The following RABGAP1L variants were observed in gnomAD, a reference collection of about 807,000 sequenced individuals.
The protein encoded by RABGAP1L is rab GTPase-activating protein 1-like.
Under a neutral mutation model 137.7 loss-of-function variants are expected in RABGAP1L, and 63 were observed. The observed-to-expected ratio is 0.46, with a 90% CI of 0.37 to 0.56. The LOEUF is 0.56. Ranked by LOEUF, RABGAP1L falls within the 20% of genes least tolerant of loss-of-function variation. The probability of loss-of-function intolerance (pLI) is 0.00; values close to 1 mark genes in which losing one functional copy is unlikely to be tolerated. For missense variants in RABGAP1L, 1,095 were observed against 1,244.0 expected (o/e 0.88, Z 1.80); for synonymous variants, 431 against 433.7 (o/e 0.99, Z 0.08).
intron 1 of RABGAP1L, among the ~76,000 whole-genome samples, chr1:174,166,879 G>T (rs1221586834): frequency 6.6e-6 from 1 of 152,152 alleles, no homozygotes; most frequent in Non-Finnish European, 1.5e-5. Context: ...GGAAATGTTG[G>T]TAAAGAAGTT....
At chr1:174,815,449 T>C (rs186756518) in intron 19 of RABGAP1L, among the ~76,000 whole-genome samples, 3 of 152,360 alleles carry the variant, frequency 2.0e-5, no homozygotes, top group Admixed American at 2.0e-4. Context: ...GTTTTAAACA[T>C]TTTTAAATTA....
intron 19 of RABGAP1L, among the ~76,000 whole-genome samples, chr1:174,913,132 C>T (rs778918246): frequency 6.6e-6 from 1 of 152,054 alleles, no homozygotes; most frequent in Non-Finnish European, 1.5e-5. Context: ...TATGCCACCA[C>T]GCCTGGCTAA....
intron 13 of RABGAP1L, among the ~76,000 whole-genome samples, chr1:174,576,324 C>G (rs985173339): frequency 1.3e-5 from 2 of 152,070 alleles, no homozygotes; most frequent in African/African-American, 4.8e-5. Flanking sequence ...TTTATAGGCT[C>G]TCCACAAGGG....
In RABGAP1L at chr1:174,173,490, A is replaced by G. The variant is rs78586402; in HGVS notation, c.-34+13833A>G. On this transcript the variant is annotated intron_variant, in intron 1 of 25. Transcript: ENST00000681986. ...GTGGCTTACTATTACATTATTACAT[A>G]CTTGGTTCTTAATGCATTTCTTATG... 1.2e-4 allele frequency among the ~76,000 whole-genome samples: 19 copies of G among 152,208 alleles called. No individual in the cohort carries two copies. In the East Asian group the frequency reaches 3.5e-3, roughly 28 times the overall value.
chr1:174,843,491 T>C (rs1437304484), intron 19 of RABGAP1L, among the ~76,000 whole-genome samples: 4 of 147,856 alleles, frequency 2.7e-5, no homozygotes, highest in African/African-American at 7.5e-5. Flanking sequence ...GGTTTTTTGT[T>C]CTTGCGATAG....
At chr1:174,343,739 T>C (rs1160849863) in intron 11 of RABGAP1L, among the ~76,000 whole-genome samples, 1 of 152,118 alleles carries the variant, frequency 6.6e-6, no homozygotes, top group African/African-American at 2.4e-5. Context: ...CCATGAAAAA[T>C]CATTCCTTCT....
chr1:174,748,994 T>C (rs1235374853), intron 17 of RABGAP1L, among the ~76,000 whole-genome samples: 3 of 151,498 alleles, frequency 2.0e-5, no homozygotes, highest in Non-Finnish European at 4.4e-5. Context: ...CTGGCCAAAA[T>C]GGTGAAACCC....
intron 12 of RABGAP1L, among the ~76,000 whole-genome samples, chr1:174,377,751 C>T (rs1008893862): frequency 5.0e-5 from 5 of 99,256 alleles, no homozygotes; most frequent in African/African-American, 3.4e-4. Context: ...AGCATAGCAA[C>T]TGCAACTCTT....
chr1:174,198,086 A>G (rs1667829386), intron 1 of RABGAP1L, among the ~76,000 whole-genome samples: 1 of 152,200 alleles, frequency 6.6e-6, no homozygotes, highest in African/African-American at 2.4e-5. Flanking sequence ...TTTTTGAAAT[A>G]CAGATGCTTA....
intron 7 of RABGAP1L, among the ~76,000 whole-genome samples, chr1:174,264,789 G>T (rs1425999260): frequency 6.8e-6 from 1 of 147,234 alleles, no homozygotes; most frequent in Non-Finnish European, 1.5e-5. Context: ...GAAAAAATAC[G>T]AATAGAAATG....
chr1:174,352,097 C>T (rs1284879741), intron 11 of RABGAP1L, among the ~76,000 whole-genome samples: 1 of 152,158 alleles, frequency 6.6e-6, no homozygotes, highest in Non-Finnish European at 1.5e-5. Context: ...CGTGAGCCAC[C>T]ACGCCCGGCC....
intron 12 of RABGAP1L, among the ~76,000 whole-genome samples, chr1:174,387,622 A>G (rs1342944474): frequency 1.3e-5 from 2 of 151,908 alleles, no homozygotes; most frequent in African/African-American, 2.4e-5. Flanking sequence ...AAGTAATTGC[A>G]TGGGTTGATG....
intron 13 of RABGAP1L, among the ~76,000 whole-genome samples, chr1:174,500,602 T>G (rs554178550): frequency 6.6e-6 from 1 of 152,324 alleles, no homozygotes; most frequent in South Asian, 2.1e-4. Flanking sequence ...ATAAGTATTA[T>G]AGAAGTAGGG....
intron 1 of RABGAP1L, among the ~76,000 whole-genome samples, chr1:174,185,295 C>G (rs1666713915): frequency 6.6e-6 from 1 of 152,144 alleles, no homozygotes; most frequent in Admixed American, 6.5e-5. Context: ...ATTCAGTAAG[C>G]AAGTAAATAT....
chr1:174,276,337 G>A (rs1675000665), intron 9 of RABGAP1L, among the ~76,000 whole-genome samples: 1 of 152,026 alleles, frequency 6.6e-6, no homozygotes, highest in African/African-American at 2.4e-5. Context: ...TTTTTGTAGC[G>A]ATGGGGTCAT....
chr1:174,948,332 TC>T (rs1667191513), intron 19 of RABGAP1L, among the ~76,000 whole-genome samples: 1 of 151,638 alleles, frequency 6.6e-6, no homozygotes, highest in South Asian at 2.1e-4. Flanking sequence ...ACCAGCCTGG[TC>T]AACATAGCGA....
chr1:174,478,563 G>A (rs1658753353), intron 13 of RABGAP1L, among the ~76,000 whole-genome samples: 1 of 152,014 alleles, frequency 6.6e-6, no homozygotes, highest in South Asian at 2.1e-4. Flanking sequence ...TAAAAACCAG[G>A]CACCACATTC....
chr1:174,699,713 A>G (rs1378725704), intron 16 of RABGAP1L, 63 bp downstream of exon 16: 2 of 1,435,332 alleles, frequency 1.4e-6, no homozygotes, highest in East Asian at 2.3e-5. Flanking sequence ...AAAGCCTAAT[A>G]GAGTTGGTAA....
chr1:174,917,644 G>A (rs960755835), intron 19 of RABGAP1L, among the ~76,000 whole-genome samples: 1 of 152,080 alleles, frequency 6.6e-6, no homozygotes, highest in Non-Finnish European at 1.5e-5. Context: ...CAAAAAATAT[G>A]TATTGAGGCT....
Sources: gnomAD v4.1 joint callset for allele counts (sites outside exome capture counted in the v4.1 genomes callset) on GRCh38, gnomAD v4.1.1 for gene constraint, MANE v1.5 for transcripts, NCBI Gene and HGNC (gene_info 2026-07-23, HGNC 2026-07-21) for gene names.